The following DSCAM variants were observed in gnomAD, a reference collection of about 807,000 sequenced individuals.
DSCAM encodes the protein cell adhesion molecule DSCAM.
In DSCAM, 47 loss-of-function variants were observed where a neutral mutation model predicts 217.7. The ratio of observed to expected loss-of-function variants is 0.22; its 90% CI spans 0.17 to 0.28. The LOEUF is 0.28. Among genes scored for constraint, DSCAM ranks in the 10% least tolerant of loss-of-function variants. The pLI is 1.00. For missense variants in DSCAM, 2,080 were observed against 2,618.3 expected (o/e 0.79, Z 4.49); for synonymous variants, 1,056 against 1,015.3 (o/e 1.04, Z -0.76).
chr21:40,105,134 T>A (rs1057029792), intron 20 of DSCAM, among the ~76,000 whole-genome samples: 4 of 152,186 alleles, frequency 2.6e-5, no homozygotes, highest in Non-Finnish European at 5.9e-5. Flanking sequence ...ATAAATTACA[T>A]GATTGGGCTC....
At chr21:40,654,530 A>C (rs1457174926) in intron 3 of DSCAM, among the ~76,000 whole-genome samples, 1 of 152,184 alleles carries the variant, frequency 6.6e-6, no homozygotes, top group Non-Finnish European at 1.5e-5. Context: ...AGAGATCAAA[A>C]TCCTAAATGG....
At chr21:40,152,897 G>A (rs1310015358) in intron 16 of DSCAM, among the ~76,000 whole-genome samples, 3 of 152,232 alleles carry the variant, frequency 2.0e-5, no homozygotes, top group Non-Finnish European at 4.4e-5. Context: ...AAAGGAAATG[G>A]CCTCTGCTGG....
At chr21:40,658,408 A>G (rs562402909) in intron 3 of DSCAM, among the ~76,000 whole-genome samples, 2 of 152,318 alleles carry the variant, frequency 1.3e-5, no homozygotes, top group East Asian at 1.9e-4. Flanking sequence ...CTTAAAAATT[A>G]GCTAATAAGT....
At chr21:40,090,349 G>A (rs1300269026) in intron 21 of DSCAM, among the ~76,000 whole-genome samples, 2 of 152,014 alleles carry the variant, frequency 1.3e-5, no homozygotes, top group South Asian at 2.1e-4. Context: ...CTTCTTCCAG[G>A]TGATGTGTGT....
chr21:40,729,194 A>G (rs1024534614), intron 1 of DSCAM, among the ~76,000 whole-genome samples: 2 of 152,210 alleles, frequency 1.3e-5, no homozygotes, highest in African/African-American at 4.8e-5. Flanking sequence ...ACAGGCTGCT[A>G]TTGCTGCTAT....
chr21:40,363,868 G>A (rs970701208), intron 4 of DSCAM, among the ~76,000 whole-genome samples: 1 of 152,024 alleles, frequency 6.6e-6, no homozygotes, highest in African/African-American at 2.4e-5. Context: ...GTGGGCAAAG[G>A]ATATGAACAG....
At chr21:40,751,508 C>A (rs977168280) in intron 1 of DSCAM, among the ~76,000 whole-genome samples, 2 of 152,202 alleles carry the variant, frequency 1.3e-5, no homozygotes, top group African/African-American at 2.4e-5. Flanking sequence ...GGATAAATCT[C>A]AAAGCAATAA....
intron 1 of DSCAM, among the ~76,000 whole-genome samples, 190 bp from the exon 2 acceptor site, chr21:40,708,961 C>A (rs143312479): frequency 2.6e-5 from 4 of 152,162 alleles, no homozygotes; most frequent in African/African-American, 9.7e-5. Flanking sequence ...AAGGCACCAT[C>A]CTAATTTCAC....
At chr21:40,713,336 A>G (rs1166018177) in intron 1 of DSCAM, among the ~76,000 whole-genome samples, 3 of 152,226 alleles carry the variant, frequency 2.0e-5, no homozygotes, top group Admixed American at 1.3e-4. Flanking sequence ...TCAATGACAC[A>G]CAATCCTGCA....
At chr21:40,576,674 C>T (rs2076852954) in intron 3 of DSCAM, among the ~76,000 whole-genome samples, 1 of 151,902 alleles carries the variant, frequency 6.6e-6, no homozygotes, top group Non-Finnish European at 1.5e-5. Flanking sequence ...CTAAAATCAA[C>T]AAAATTTAAT....
intron 32 of DSCAM, among the ~76,000 whole-genome samples, chr21:40,033,806 T>C (rs2088581226): frequency 1.3e-5 from 2 of 150,128 alleles, no homozygotes; most frequent in South Asian, 2.1e-4. Flanking sequence ...AGAGCAGTGG[T>C]CCTCCCAGTA....
At chr21:40,235,122 G>A (rs1199387784) in intron 11 of DSCAM, among the ~76,000 whole-genome samples, 1 of 152,180 alleles carries the variant, frequency 6.6e-6, no homozygotes, top group Non-Finnish European at 1.5e-5. Flanking sequence ...CAGAGCAAAT[G>A]TTTATATTAT....
chr21:40,046,842 C>A (rs868201643), intron 30 of DSCAM, among the ~76,000 whole-genome samples: 1 of 151,738 alleles, frequency 6.6e-6, no homozygotes, highest in Non-Finnish European at 1.5e-5. Flanking sequence ...ATCCCCCAAA[C>A]CTTGACCCTC....
intron 8 of DSCAM, among the ~76,000 whole-genome samples, chr21:40,329,513 C>G (rs540418550): frequency 5.5e-4 from 83 of 151,978 alleles, no homozygotes; most frequent in African/African-American, 1.8e-3. Context: ...ACTTGGGAGG[C>G]TGAGGCAGGA....
At chr21:40,411,954 G>T (rs940551669) in intron 3 of DSCAM, among the ~76,000 whole-genome samples, 1 of 152,134 alleles carries the variant, frequency 6.6e-6, no homozygotes. Context: ...GAGTTGTTTG[G>T]GTTATGGAGT....
At chr21:40,076,794 C>T (rs1056524080) in intron 26 of DSCAM, among the ~76,000 whole-genome samples, 7 of 152,168 alleles carry the variant, frequency 4.6e-5, no homozygotes, top group Admixed American at 2.0e-4. Context: ...GGCATCTGCA[C>T]ATATTATAGA....
intron 3 of DSCAM, among the ~76,000 whole-genome samples, chr21:40,485,480 G>A (rs1568843836): frequency 6.6e-6 from 1 of 150,938 alleles, no homozygotes; most frequent in Admixed American, 6.6e-5. Flanking sequence ...CTGACCTCGT[G>A]ATCCGCCCGC....
chr21:40,174,767 G>C (rs778945725), intron 15 of DSCAM, among the ~76,000 whole-genome samples: 5 of 152,140 alleles, frequency 3.3e-5, no homozygotes, highest in Non-Finnish European at 5.9e-5. Context: ...GAAATTTCCA[G>C]ATTTTAAAAA....
intron 14 of DSCAM, among the ~76,000 whole-genome samples, chr21:40,182,696 G>C (rs1194402862): frequency 1.8e-5 from 2 of 113,844 alleles, no homozygotes; most frequent in African/African-American, 7.7e-5. Context: ...AGAAACCGTG[G>C]ACGGGGGGGG....
Sources: allele counts gnomAD v4.1 joint callset (sites outside exome capture counted in the v4.1 genomes callset), GRCh38; gene constraint gnomAD v4.1.1; transcripts MANE v1.5; gene names NCBI Gene and HGNC (gene_info 2026-07-23, HGNC 2026-07-21).